Variants in HTR2C observed in about 807,000 individuals in gnomAD.
HTR2C encodes 5-hydroxytryptamine receptor 2C, also known as 5-hydroxytryptamine (serotonin) receptor 2C, G protein-coupled.
A neutral mutation model predicts 21.0 loss-of-function variants in HTR2C; 5 were observed. The observed-to-expected ratio is 0.24, with a 90% CI of 0.12 to 0.50. The LOEUF (loss-of-function observed/expected upper bound fraction) is 0.50, where lower values mean the gene tolerates loss of function less well. Ranked by LOEUF, HTR2C falls within the 20% of genes least tolerant of loss-of-function variation. HTR2C has a pLI of 0.98. For missense variants in HTR2C, 271 were observed against 371.2 expected (o/e 0.73, Z 2.22); for synonymous variants, 150 against 145.3 (o/e 1.03, Z -0.23).
intron 4 of HTR2C, among the ~76,000 whole-genome samples, chrX:114,812,749 CAAACAAAAAAAA>C (rs2070546372): frequency 4.3e-5 from 1 of 23,216 alleles, no homozygotes; most frequent in African/African-American, 1.5e-4. Flanking sequence ...AACAAACAAA[CAAACAAAAAAAA>C]AAACAAAAAA....
chrX:114,617,769 G>C (rs1270799514), intron 2 of HTR2C, among the ~76,000 whole-genome samples: 1 of 111,837 alleles, frequency 8.9e-6, no homozygotes, highest in Non-Finnish European at 1.9e-5. Flanking sequence ...AGAGAATTGA[G>C]TGTGTTAAGT....
At chrX:114,838,243 T>A (rs961240497) in intron 4 of HTR2C, among the ~76,000 whole-genome samples, 7 of 112,025 alleles carry the variant, frequency 6.2e-5, no homozygotes, top group African/African-American at 2.3e-4. Context: ...CAAGTTTTGC[T>A]ATTGACACTG....
chrX:114,858,410 AG>A (rs2070980320), intron 5 of HTR2C, among the ~76,000 whole-genome samples: 1 of 111,338 alleles, frequency 9.0e-6, no homozygotes, highest in Non-Finnish European at 1.9e-5. Context: ...TATTTAATTT[AG>A]AGGTCTTGCA....
intron 4 of HTR2C, among the ~76,000 whole-genome samples, chrX:114,802,710 C>CTTTA (rs2070360565): frequency 1.0e-5 from 1 of 98,350 alleles, no homozygotes; most frequent in African/African-American, 3.7e-5. Flanking sequence ...TTCTTTCTTT[C>CTTTA]TTTCTTTCTT....
At chrX:114,688,695 T>C (rs1348762588) in intron 2 of HTR2C, among the ~76,000 whole-genome samples, 1 of 111,925 alleles carries the variant, frequency 8.9e-6, no homozygotes, top group Non-Finnish European at 1.9e-5. Flanking sequence ...ATTTTCTTTC[T>C]ATAAGCTAGT....
chrX:114,725,013 G>A (rs1371970271), intron 2 of HTR2C, among the ~76,000 whole-genome samples: 1 of 110,382 alleles, frequency 9.1e-6, no homozygotes, highest in Non-Finnish European at 1.9e-5. Flanking sequence ...CTCTTCTCGA[G>A]GAGTATCTTT....
At chrX:114,826,947 TTTTA>T (rs1254776627) in intron 4 of HTR2C, among the ~76,000 whole-genome samples, 4 of 111,094 alleles carry the variant, frequency 3.6e-5, no homozygotes, top group African/African-American at 1.3e-4. Context: ...GTTTTTTTCT[TTTTA>T]TTTGAGTATT....
chrX:114,695,305 T>A (rs996830032), intron 2 of HTR2C, among the ~76,000 whole-genome samples: 2 of 112,366 alleles, frequency 1.8e-5, no homozygotes, highest in African/African-American at 6.5e-5. Context: ...GTTTTGTTTT[T>A]GATACTATAG....
intron 2 of HTR2C, among the ~76,000 whole-genome samples, chrX:114,672,221 T>C (rs1223954116): frequency 9.0e-6 from 1 of 111,660 alleles, no homozygotes. Context: ...ACCTCATCTC[T>C]GCTAAAAAGG....
In HTR2C at chrX:114,886,000, C is replaced by A. The variant is rs373628439; in HGVS notation, c.551-20589C>A. Among the ~76,000 whole-genome samples, 4 of 110,101 alleles carry A rather than the reference C, an allele frequency of 3.6e-5. No individual in the cohort carries two copies. In the East Asian group the frequency reaches 8.6e-4, roughly 24 times the overall value. ...GAATTGTCTAATTATCACTTCATTT[C>A]TTTCCATTTTCACTTCATGCATTTT... On this transcript the variant is annotated intron_variant, in intron 5 of 5. Coordinates refer to ENST00000276198, the MANE Select transcript of HTR2C (RefSeq NM_000868.4).
At chrX:114,706,655 A>T (rs1427514912) in intron 2 of HTR2C, among the ~76,000 whole-genome samples, 1 of 105,691 alleles carries the variant, frequency 9.5e-6, no homozygotes, top group Non-Finnish European at 1.9e-5. Flanking sequence ...GCACATGTAT[A>T]CATATGTAAC....
At chrX:114,785,108 A>G (rs1347667069) in intron 4 of HTR2C, among the ~76,000 whole-genome samples, 1 of 112,180 alleles carries the variant, frequency 8.9e-6, no homozygotes, top group African/African-American at 3.2e-5. Context: ...GTCACAGAAA[A>G]TGTTAATGCT....
At chrX:114,704,923 G>A (rs1471071511) in intron 2 of HTR2C, among the ~76,000 whole-genome samples, 128 of 106,707 alleles carry the variant, frequency 1.2e-3, no homozygotes, top group African/African-American at 3.1e-3. Context: ...ACAGACAAAC[G>A]GAGAGCCAAA....
chrX:114,590,391 A>G (rs782466784), intron 1 of HTR2C, among the ~76,000 whole-genome samples: 5 of 112,100 alleles, frequency 4.5e-5, no homozygotes, highest in Non-Finnish European at 7.5e-5. Flanking sequence ...GTACTGTGGT[A>G]TGTAGCTTTC....
chrX:114,806,083 A>G (rs2070425246), intron 4 of HTR2C, among the ~76,000 whole-genome samples: 1 of 101,801 alleles, frequency 9.8e-6, no homozygotes, highest in Non-Finnish European at 2.0e-5. Context: ...TACACCATAT[A>G]TATACCACAT....
intron 2 of HTR2C, among the ~76,000 whole-genome samples, chrX:114,628,301 C>T (rs1221586587): frequency 2.7e-5 from 3 of 109,841 alleles, no homozygotes; most frequent in African/African-American, 6.6e-5. Context: ...TGCAGTGGCA[C>T]GATCTTGGCT....
At chrX:114,800,982 T>C (rs2070340512) in intron 4 of HTR2C, among the ~76,000 whole-genome samples, 1 of 111,231 alleles carries the variant, frequency 9.0e-6, no homozygotes, top group Non-Finnish European at 1.9e-5. Flanking sequence ...CAGTAGGGAA[T>C]ATAAGGCAGC....
At chrX:114,812,046 G>A (rs1002290913) in intron 4 of HTR2C, among the ~76,000 whole-genome samples, 1 of 110,727 alleles carries the variant, frequency 9.0e-6, no homozygotes, top group African/African-American at 3.3e-5. Flanking sequence ...CCATCACCTA[G>A]GTATTAAGCC....
At chrX:114,698,327 T>G (rs1035455288) in intron 2 of HTR2C, among the ~76,000 whole-genome samples, 1 of 110,873 alleles carries the variant, frequency 9.0e-6, no homozygotes. Context: ...TGGGTTAGCA[T>G]GGTAGAAAAA....
Sources: allele counts gnomAD v4.1 joint callset (sites outside exome capture counted in the v4.1 genomes callset), GRCh38; gene constraint gnomAD v4.1.1; transcripts MANE v1.5; gene names NCBI Gene and HGNC (gene_info 2026-07-23, HGNC 2026-07-21).